OR14A2: variants seen among roughly 807,000 people sequenced by gnomAD.
OR14A2 encodes the protein olfactory receptor 14A2.
For synonymous variants in OR14A2, 114 were observed against 58.6 expected (o/e 1.95, Z -4.32); for missense variants, 237 against 152.9 (o/e 1.55, Z -2.90).
chr1:247,723,421 C>T, exon 1 of OR14A2: 4 of 717,420 alleles, frequency 5.6e-6, no homozygotes, highest in Non-Finnish European at 1.0e-5. Flanking sequence ...ACAGATGAAA[C>T]AAGAAATGCT....
chr1:247,738,449 C>T, the OR14A2 span, among the ~76,000 whole-genome samples: 3 of 152,146 alleles, frequency 2.0e-5, no homozygotes, highest in Admixed American at 2.0e-4. Context: ...TTGTTTTACA[C>T]CTGAGTCCAT....
At chr1:247,740,794 A>G in the OR14A2 span, among the ~76,000 whole-genome samples, 341 of 152,238 alleles carry the variant, frequency 2.2e-3, 6 homozygotes, top group Non-Finnish European at 5.7e-4. Flanking sequence ...TTGTTGCCTA[A>G]TTTCACTGTA....
upstream of OR14A2, among the ~76,000 whole-genome samples, chr1:247,727,527 G>C (rs1159635797): frequency 6.6e-6 from 1 of 151,734 alleles, no homozygotes; most frequent in Non-Finnish European, 1.5e-5. Context: ...AAAAGCAAGA[G>C]CAAACAAATT....
the OR14A2 span, among the ~76,000 whole-genome samples, chr1:247,733,811 A>G: frequency 1.3e-5 from 2 of 152,192 alleles, no homozygotes; most frequent in Non-Finnish European, 2.9e-5. Flanking sequence ...TTTAGCCCCA[A>G]GCAGTGAAAA....
At chr1:247,739,169 C>T in the OR14A2 span, 68 of 780,780 alleles carry the variant, frequency 8.7e-5, no homozygotes, top group Middle Eastern at 6.7e-4. Context: ...TACTAAAGCT[C>T]ACTTGTTCTA....
At chr1:247,742,978 G>C in the OR14A2 span, among the ~76,000 whole-genome samples, 3 of 152,044 alleles carry the variant, frequency 2.0e-5, no homozygotes, top group Non-Finnish European at 4.4e-5. Flanking sequence ...AATATAATTC[G>C]TATAACTAAG....
At chr1:247,739,560 C>G in the OR14A2 span, 1 of 768,008 alleles carries the variant, frequency 1.3e-6, no homozygotes, top group Non-Finnish European at 2.4e-6. Flanking sequence ...GAAAAGATGA[C>G]TAAAGTTGAA....
chr1:247,736,243 A>C, the OR14A2 span, among the ~76,000 whole-genome samples: 1 of 150,918 alleles, frequency 6.6e-6, no homozygotes, highest in African/African-American at 2.4e-5. Context: ...AAAAGTGATA[A>C]AATTTGTTGT....
the OR14A2 span, among the ~76,000 whole-genome samples, chr1:247,747,448 G>A: frequency 6.7e-6 from 1 of 148,394 alleles, no homozygotes; most frequent in African/African-American, 2.5e-5. Flanking sequence ...TGCAAGCTCT[G>A]CCTCCCAGGT....
the OR14A2 span, chr1:247,746,952 A>C: frequency 6.6e-6 from 1 of 152,172 alleles, no homozygotes; most frequent in Admixed American, 6.5e-5. Context: ...TAATCCATGG[A>C]TCTGACCTCT....
the OR14A2 span, among the ~76,000 whole-genome samples, chr1:247,742,012 C>T: frequency 6.6e-6 from 1 of 152,150 alleles, no homozygotes; most frequent in Non-Finnish European, 1.5e-5. Flanking sequence ...AATAGTACTT[C>T]TATTTCAGTT....
chr1:247,739,189 CCAT>C, the OR14A2 span: 3 of 780,838 alleles, frequency 3.8e-6, no homozygotes, highest in East Asian at 7.3e-5. Flanking sequence ...AAAGAACATG[CCAT>C]CATTAGTGTC....
chr1:247,740,726 C>T, the OR14A2 span, among the ~76,000 whole-genome samples: 9 of 152,298 alleles, frequency 5.9e-5, no homozygotes, highest in East Asian at 1.9e-4. Flanking sequence ...AGGAGACAAT[C>T]GTCGTATCAC....
chr1:247,727,782 A>G (rs1190923489), upstream of OR14A2, among the ~76,000 whole-genome samples: 2 of 149,766 alleles, frequency 1.3e-5, no homozygotes, highest in Middle Eastern at 3.4e-3. Flanking sequence ...CCATCAGAGA[A>G]TACTATAAAC....
chr1:247,738,564 A>C, the OR14A2 span: 1 of 705,174 alleles, frequency 1.4e-6, no homozygotes, highest in South Asian at 1.6e-5. Context: ...TTTTAATATT[A>C]GTATGACACT....
the OR14A2 span, among the ~76,000 whole-genome samples, chr1:247,729,210 A>T: frequency 2.0e-5 from 3 of 152,156 alleles, no homozygotes; most frequent in Admixed American, 6.6e-5. Context: ...TTATCTCTTA[A>T]GACCATTAGC....
the OR14A2 span, chr1:247,738,777 A>G: frequency 1.3e-5 from 10 of 780,666 alleles, no homozygotes; most frequent in East Asian, 1.2e-4. Context: ...TCGTCTCCAC[A>G]TGGCAATGTA....
upstream of OR14A2, chr1:247,724,052 C>G (rs189655898): frequency 9.6e-5 from 65 of 680,388 alleles, no homozygotes; most frequent in Middle Eastern, 2.2e-3. Context: ...ATACTAGATT[C>G]TCTTCAGTGC....
chr1:247,744,913 A>T, the OR14A2 span, among the ~76,000 whole-genome samples: 1 of 152,132 alleles, frequency 6.6e-6, no homozygotes, highest in Admixed American at 6.5e-5. This position sits in a 1 kb window ranked among gnomAD's most constrained non-coding sequence, Gnocchi z 4.3. Flanking sequence ...TTGGACATAC[A>T]TTGTGGAACT....
Sources: gnomAD v4.1 joint callset for allele counts (sites outside exome capture counted in the v4.1 genomes callset) on GRCh38, gnomAD v4.1.1 for gene constraint, Gnocchi (gnomAD v3.1) non-coding constraint, MANE v1.5 for transcripts, NCBI Gene and HGNC (gene_info 2026-07-23, HGNC 2026-07-21) for gene names.